Variants in COL28A1 observed in about 807,000 individuals in gnomAD.
The protein encoded by COL28A1 is collagen alpha-1(XXVIII) chain.
In COL28A1, 161 loss-of-function variants were observed where a neutral mutation model predicts 150.2. The observed-to-expected ratio is 1.07, with a 90% CI of 0.94 to 1.22. COL28A1 has a LOEUF of 1.22. Among genes scored for constraint, COL28A1 ranks in the 50% most tolerant of loss-of-function variants. COL28A1 has a pLI of 0.00. For missense variants in COL28A1, 1,617 were observed against 1,388.3 expected, an observed-to-expected ratio of 1.16 and a Z score of -2.62; for synonymous variants, 552 against 469.7, an observed-to-expected ratio of 1.18 and a Z score of -2.26.
chr7:7,408,192 A>C (rs1783593750), intron 27 of COL28A1, among the ~76,000 whole-genome samples: 1 of 152,134 alleles, frequency 6.6e-6, no homozygotes, highest in African/African-American at 2.4e-5. Flanking sequence ...ACAATGTGAA[A>C]GTTGTTCTGA....
the COL28A1 span, among the ~76,000 whole-genome samples, chr7:7,341,216 CTTT>C: frequency 1.3e-5 from 2 of 152,110 alleles, no homozygotes; most frequent in Admixed American, 6.6e-5. Flanking sequence ...TGCCCGATCT[CTTT>C]TTTTCCTCTG....
rs376270076 is a variant in COL28A1, at chr7:7,451,170, C to T, written c.1509+1149G>A. On this transcript the variant is annotated intron_variant, in intron 18 of 34. Coordinates refer to ENST00000399429, the MANE Select transcript of COL28A1 (RefSeq NM_001037763.3). The stretch of plus-strand genomic sequence containing the variant: ...ACATTAACATTTGATAAAGCTGGGC[C>T]GTGGAATACATAGGTGCTCTTTGTA... Among the ~76,000 whole-genome samples the T allele has an allele frequency of 1.2e-4, 18 of 151,668 alleles. No homozygotes were observed. In the East Asian group the frequency reaches 1.9e-3, roughly 16 times the overall value.
downstream of COL28A1, among the ~76,000 whole-genome samples, chr7:7,355,637 C>G (rs983055935): frequency 2.0e-5 from 3 of 151,998 alleles, no homozygotes; most frequent in African/African-American, 7.2e-5. Context: ...AATAAGATAC[C>G]ATTTTATACC....
intron 15 of COL28A1, among the ~76,000 whole-genome samples, chr7:7,459,447 T>C (rs577078629): frequency 3.3e-5 from 5 of 152,338 alleles, no homozygotes; most frequent in Admixed American, 2.0e-4. Context: ...TCATTCAAGA[T>C]TGAAACCCAG....
At chr7:7,462,992 A>G (rs1324125034) in intron 15 of COL28A1, among the ~76,000 whole-genome samples, 1 of 152,074 alleles carries the variant, frequency 6.6e-6, no homozygotes, top group African/African-American at 2.4e-5. Context: ...AACAAAAAAG[A>G]ATAAGAAAAT....
At chr7:7,538,855 G>GA (rs1161885524), upstream of COL28A1, among the ~76,000 whole-genome samples, 674 of 143,646 alleles carry the variant, frequency 4.7e-3, 4 homozygotes, top group African/African-American at 0.014. Context: ...ATCTAGAGTA[G>GA]AAAAAAAAAA....
At chr7:7,532,059 GT>G (rs1440494299) in intron 2 of COL28A1, among the ~76,000 whole-genome samples, 155 bp from the exon 3 acceptor site, 1 of 152,098 alleles carries the variant, frequency 6.6e-6, no homozygotes. Context: ...GGCTTCAATT[GT>G]AAAAAACTAA....
chr7:7,387,603 T>C (rs1207673094), intron 27 of COL28A1, among the ~76,000 whole-genome samples: 2 of 152,150 alleles, frequency 1.3e-5, no homozygotes, highest in African/African-American at 2.4e-5. Flanking sequence ...CATATATATA[T>C]ATATGCAAAG....
chr7:7,435,086 G>C (rs1254854387), intron 23 of COL28A1, among the ~76,000 whole-genome samples: 1 of 152,162 alleles, frequency 6.6e-6, no homozygotes, highest in African/African-American at 2.4e-5. Flanking sequence ...CAAAATGATT[G>C]AGTGAAGAGG....
At position 7,373,028 on chromosome 7, in the gene COL28A1, A is replaced by G; in HGVS notation, c.2878T>C (p.Tyr960His). 1 of 1,614,068 alleles carries G rather than the reference A, an allele frequency of 6.2e-7. No homozygotes were observed. The highest frequency in any genetic ancestry group is 1.1e-5 in the South Asian group (1 of 91,040). Reference protein sequence around the residue: ...NLIATDPEHVYQFDDFFTLQD... With the variant: ...NLIATDPEHVHQFDDFFTLQD... The stretch of plus-strand genomic sequence containing the variant: ...AGGGTAAAGAAATCATCAAACTGGT[A>G]AACATGCTCTGGGTCAGTAGCAATT... Residue 960 changes from tyrosine (Y) to histidine (H), a missense_variant, in exon 32 of 35, where the codon TAC becomes CAC. Coordinates refer to ENST00000399429, the MANE Select transcript of COL28A1 (RefSeq NM_001037763.3). The surrounding 1 kb of genome is among the most constrained non-coding windows in gnomAD (Gnocchi z 4.1).
chr7:7,425,336 T>C (rs913731042), intron 25 of COL28A1, among the ~76,000 whole-genome samples: 9 of 152,320 alleles, frequency 5.9e-5, no homozygotes, highest in African/African-American at 1.9e-4. Flanking sequence ...TTCTTCCAGC[T>C]GTCATTTAAT....
At chr7:7,344,192 T>G in the COL28A1 span, among the ~76,000 whole-genome samples, 2 of 152,070 alleles carry the variant, frequency 1.3e-5, no homozygotes, top group Non-Finnish European at 1.5e-5. Context: ...TGATTGTCCT[T>G]TTACTATTTA....
rs1274295174 is a variant in COL28A1, at chr7:7,531,730, C to G, written c.299G>C (p.Ser100Thr). ...DIKLAALQFS[S>T]SVQIDPPFSS... ...AAAAGGTGGATCAATTTGGACAGAG[C>G]TGCTAAACTGAAGGGCTGCCAGTTT... is the stretch of plus-strand genomic sequence containing the variant. Residue 100 changes from serine (S) to threonine (T), a missense_variant, in exon 3 of 35, where the codon AGC (serine) becomes ACC (threonine). By Grantham distance (58) the Ser-to-Thr change is moderately conservative. Transcript: ENST00000399429. 2 of 1,607,614 alleles carry G rather than the reference C, an allele frequency of 1.2e-6. No homozygotes were observed. Among genetic ancestry groups the G allele is most frequent in the East Asian group, 4.5e-5 (2 of 44,862 alleles).
chr7:7,507,618 G>C (rs1780883707), intron 9 of COL28A1, among the ~76,000 whole-genome samples: 1 of 151,984 alleles, frequency 6.6e-6, no homozygotes, highest in Non-Finnish European at 1.5e-5. Flanking sequence ...TCTTCTAATA[G>C]AAAATATTTC....
chr7:7,526,637 T>C (rs1230613087), intron 3 of COL28A1, among the ~76,000 whole-genome samples: 2 of 152,170 alleles, frequency 1.3e-5, no homozygotes, highest in Non-Finnish European at 2.9e-5. Flanking sequence ...GCAATATCTT[T>C]TTTTTTTCTT....
intron 10 of COL28A1, among the ~76,000 whole-genome samples, 157 bp downstream of exon 10, chr7:7,506,960 T>C (rs998485937): frequency 1.3e-5 from 2 of 152,188 alleles, no homozygotes; most frequent in Non-Finnish European, 2.9e-5. Flanking sequence ...TTATTGCACA[T>C]TGTAATCTTC....
At chr7:7,465,409 C>T (rs1468550036) in intron 15 of COL28A1, among the ~76,000 whole-genome samples, 1 of 141,322 alleles carries the variant, frequency 7.1e-6, no homozygotes, top group African/African-American at 2.7e-5. Context: ...GCTTAAGAAA[C>T]GGCGCACCAC....
At chr7:7,457,833 C>T (rs1186247843) in intron 15 of COL28A1, among the ~76,000 whole-genome samples, 2 of 152,048 alleles carry the variant, frequency 1.3e-5, no homozygotes, top group Admixed American at 1.3e-4. Flanking sequence ...GAGAATTGAC[C>T]GCTGGATTGA....
intron 33 of COL28A1, among the ~76,000 whole-genome samples, chr7:7,370,005 G>A (rs1304106663): frequency 6.6e-5 from 10 of 151,982 alleles, no homozygotes; most frequent in East Asian, 1.9e-4. Context: ...AGCACTCATC[G>A]GTAACTAAAA....
Sources: gnomAD v4.1 joint callset for allele counts (sites outside exome capture counted in the v4.1 genomes callset) on GRCh38, gnomAD v4.1.1 for gene constraint, Gnocchi (gnomAD v3.1) non-coding constraint, MANE v1.5 for transcripts, NCBI Gene and HGNC (gene_info 2026-07-23, HGNC 2026-07-21) for gene names.